The following PRKG1 variants were observed in gnomAD, a reference collection of about 807,000 sequenced individuals.
PRKG1 encodes the protein cGMP-dependent protein kinase 1.
PRKG1 carries 35 observed loss-of-function variants against 88.1 expected under a neutral mutation model. That is an observed-to-expected ratio of 0.40 (90% CI 0.30 to 0.53). PRKG1 has a LOEUF of 0.53. Among genes scored for constraint, PRKG1 ranks in the 20% least tolerant of loss-of-function variants. PRKG1 has a pLI of 0.59. For synonymous variants in PRKG1, 303 were observed against 292.5 expected, an observed-to-expected ratio of 1.04 and a Z score of -0.37; for missense variants, 540 against 839.8, an observed-to-expected ratio of 0.64 and a Z score of 4.41.
intron 3 of PRKG1, among the ~76,000 whole-genome samples, chr10:51,603,854 A>T (rs1262149414): frequency 6.6e-6 from 1 of 152,126 alleles, no homozygotes; most frequent in Non-Finnish European, 1.5e-5. Context: ...AGGTGACATG[A>T]AGTTTGTGCA....
rs375927823 is a variant in PRKG1, at chr10:52,030,820, G to A, written c.763-23664G>A. On this transcript the variant is annotated intron_variant, in intron 5 of 17. Transcript: ENST00000373980. ...TTTAAAAATTAAAATGAGCATAAAT[G>A]TATAAATGCATTTCAACCAAATCAA... Among the ~76,000 whole-genome samples the A allele has an allele frequency of 3.3e-5, 5 of 152,214 alleles. No homozygotes were observed. In the South Asian group the frequency reaches 1.0e-3, roughly 32 times the overall value.
At chr10:52,293,198 T>C (rs1454359355) in intron 17 of PRKG1, among the ~76,000 whole-genome samples, 2 of 150,638 alleles carry the variant, frequency 1.3e-5, no homozygotes, top group Non-Finnish European at 2.9e-5. Context: ...GGAATCCAAC[T>C]TCCAAGGGAT....
At chr10:51,758,097 A>G in intron 3 of PRKG1, among the ~76,000 whole-genome samples, 1 of 152,220 alleles carries the variant, frequency 6.6e-6, no homozygotes. Context: ...TCACATATGA[A>G]GTTTTCAAAA....
chr10:51,371,372 T>TA (rs1018333316), intron 2 of PRKG1, among the ~76,000 whole-genome samples: 3 of 151,590 alleles, frequency 2.0e-5, no homozygotes, highest in Non-Finnish European at 4.4e-5. Context: ...CCCATCTCTT[T>TA]AAAAAAATAA....
chr10:51,691,001 TA>T (rs1455490126), intron 3 of PRKG1, among the ~76,000 whole-genome samples: 1 of 150,322 alleles, frequency 6.7e-6, no homozygotes, highest in Non-Finnish European at 1.5e-5. Flanking sequence ...CTAGAGCTGT[TA>T]ACATTTAATA....
At chr10:52,280,420 G>A (rs1269734167) in intron 12 of PRKG1, among the ~76,000 whole-genome samples, 2 of 152,088 alleles carry the variant, frequency 1.3e-5, no homozygotes, top group Non-Finnish European at 1.5e-5. Context: ...TGCTTGGTAG[G>A]CAAGCTCTAA....
chr10:51,897,601 A>C (rs1445300006), intron 4 of PRKG1, among the ~76,000 whole-genome samples: 2 of 152,220 alleles, frequency 1.3e-5, no homozygotes, highest in African/African-American at 4.8e-5. Context: ...TTGAATATTT[A>C]AAAATTAAAT....
At chr10:51,374,093 A>AAAATATATATAT in intron 2 of PRKG1, among the ~76,000 whole-genome samples, 21 of 100,120 alleles carry the variant, frequency 2.1e-4, no homozygotes, top group African/African-American at 5.7e-4. Context: ...AAAAAAAAAA[A>AAAATATATATAT]ATATATATAT....
At chr10:51,618,478 G>T (rs187532706) in intron 3 of PRKG1, among the ~76,000 whole-genome samples, 105 of 152,214 alleles carry the variant, frequency 6.9e-4, no homozygotes, top group Admixed American at 2.3e-3. Context: ...CATCATCATT[G>T]TCATCATTGC....
At chr10:52,052,440 A>AAT (rs1846010645) in intron 5 of PRKG1, among the ~76,000 whole-genome samples, 1 of 151,568 alleles carries the variant, frequency 6.6e-6, no homozygotes, top group South Asian at 2.1e-4. Context: ...TAATAATAAT[A>AAT]ATAATTAAAT....
intron 8 of PRKG1, among the ~76,000 whole-genome samples, chr10:52,138,479 A>G (rs1837487555): frequency 6.6e-6 from 1 of 152,142 alleles, no homozygotes; most frequent in African/African-American, 2.4e-5. Flanking sequence ...AGACTCCTAA[A>G]GGATCCAGTG....
intron 7 of PRKG1, among the ~76,000 whole-genome samples, chr10:52,093,667 T>C (rs1847107439): frequency 6.6e-6 from 1 of 152,184 alleles, no homozygotes; most frequent in Non-Finnish European, 1.5e-5. Context: ...AATTTTCTTC[T>C]TTGTTTTGAA....
intron 1 of PRKG1, among the ~76,000 whole-genome samples, chr10:51,007,372 C>T (rs549762654): frequency 1.2e-4 from 18 of 152,196 alleles, no homozygotes; most frequent in South Asian, 6.2e-4. Context: ...TTTTACCATC[C>T]GAGTTAAGTT....
chr10:52,074,608 G>C (rs576048357), intron 7 of PRKG1, among the ~76,000 whole-genome samples: 2 of 152,086 alleles, frequency 1.3e-5, no homozygotes, highest in Non-Finnish European at 2.9e-5. Context: ...GAACTCAGCC[G>C]GTGTTTTGTG....
chr10:51,588,404 C>T (rs1435771739), intron 3 of PRKG1, among the ~76,000 whole-genome samples: 5 of 152,270 alleles, frequency 3.3e-5, no homozygotes, highest in East Asian at 1.9e-4. Flanking sequence ...TTCCTGAGCC[C>T]TATCTCTAGA....
At chr10:51,171,079 AG>A (rs1325990548) in intron 2 of PRKG1, among the ~76,000 whole-genome samples, 1 of 152,162 alleles carries the variant, frequency 6.6e-6, no homozygotes, top group Non-Finnish European at 1.5e-5. Flanking sequence ...GGTCAAATTT[AG>A]GAACTGTTTT....
chr10:51,001,902 C>T (rs1308578561), intron 1 of PRKG1, among the ~76,000 whole-genome samples: 1 of 152,104 alleles, frequency 6.6e-6, no homozygotes, highest in Non-Finnish European at 1.5e-5. Flanking sequence ...ATATAACTTT[C>T]TCAATATCAG....
At chr10:51,949,564 A>G (rs1843136329) in intron 5 of PRKG1, among the ~76,000 whole-genome samples, 1 of 152,164 alleles carries the variant, frequency 6.6e-6, no homozygotes, top group South Asian at 2.1e-4. Flanking sequence ...TGCCTAGAAC[A>G]TGTGTACAGT....
At chr10:51,281,740 G>A (rs1564427524) in intron 2 of PRKG1, among the ~76,000 whole-genome samples, 1 of 152,148 alleles carries the variant, frequency 6.6e-6, no homozygotes, top group African/African-American at 2.4e-5. Flanking sequence ...ATGGTAAGGG[G>A]TAGGGGCAGT....
Sources: gnomAD v4.1 joint callset for allele counts (sites outside exome capture counted in the v4.1 genomes callset) on GRCh38, gnomAD v4.1.1 for gene constraint, MANE v1.5 for transcripts, NCBI Gene and HGNC (gene_info 2026-07-23, HGNC 2026-07-21) for gene names.